UBE2S: variants seen among roughly 807,000 people sequenced by gnomAD.
The protein encoded by UBE2S is ubiquitin conjugating enzyme E2 S.
Under a neutral mutation model 12.3 loss-of-function variants are expected in UBE2S, and 3 were observed. That is an observed-to-expected ratio of 0.24 (90% CI 0.11 to 0.63). UBE2S has a LOEUF of 0.63. Ranked by LOEUF, UBE2S falls within the 30% of genes least tolerant of loss-of-function variation. The pLI, the probability that UBE2S is intolerant of heterozygous loss-of-function variation, is 0.85. For synonymous variants in UBE2S, 133 were observed against 142.0 expected (o/e 0.94, Z 0.45); for missense variants, 211 against 313.9 (o/e 0.67, Z 2.48).
Position 55,407,767 on chromosome 19 carries a change from C to T in UBE2S, c.-178G>A, listed in dbSNP as rs963528044. The T allele has an allele frequency of 5.4e-5, 21 of 389,846 alleles. No individual in the cohort carries two copies. The highest frequency in any genetic ancestry group is 4.3e-4 in the Admixed American group (9 of 20,896). 24.1% of individuals were successfully genotyped at this position (389,846 alleles called of 1,614,324 possible). A position where few individuals can be genotyped will look rare whatever the true frequency, so the allele number is the denominator to read the frequency against. On this transcript the variant is annotated 5_prime_UTR_variant, in exon 1 of 4. Coordinates refer to ENST00000264552, the MANE Select transcript of UBE2S (RefSeq NM_014501.3). ...CACAGCGTAGACCAACCCGCCGCCC[C>T]GGTGCCCGGCAGCACTGAGCCGGCC...
At chr19:55,406,736 A>T in intron 2 of UBE2S, 79 bp downstream of exon 2, 1 of 1,519,258 alleles carries the variant, frequency 6.6e-7, no homozygotes, top group South Asian at 1.3e-5. Context: ...TGTAATGGGT[A>T]CTTCCCGCTA....
chr19:55,403,351 T>C (rs1600320164), intron 3 of UBE2S: 1 of 503,474 alleles, frequency 2.0e-6, no homozygotes, highest in Non-Finnish European at 3.5e-6. Context: ...TAGCTGGGTA[T>C]GGTGGTGCAT....
In UBE2S at chr19:55,407,724, C is replaced by T. The variant is rs909036840; in HGVS notation, c.-135G>A. ...GGCGGCCCCGCTCCGCTCCCCGCTGCCTCCGACGTCCGCCGCGCACAGCGT... is the reference window on the plus strand; with the variant it reads ...GGCGGCCCCGCTCCGCTCCCCGCTGTCTCCGACGTCCGCCGCGCACAGCGT... On this transcript the variant is annotated 5_prime_UTR_variant, in exon 1 of 4. Transcript: ENST00000264552. 8 of 605,424 alleles carry T rather than the reference C, an allele frequency of 1.3e-5. No individual in the cohort carries two copies. Among genetic ancestry groups the T allele is most frequent in the Non-Finnish European group, 1.7e-5 (7 of 420,218 alleles). The allele number at this position is 605,424 out of a possible 1,614,324, so 37.5% of individuals were successfully genotyped here. A position where few individuals can be genotyped will look rare whatever the true frequency, so the allele number is the denominator to read the frequency against.
intron 3 of UBE2S, 94 bp from the exon 4 acceptor site, chr19:55,401,856 T>TC: frequency 7.4e-7 from 1 of 1,345,324 alleles, no homozygotes; most frequent in South Asian, 1.2e-5. Flanking sequence ...GGCTGTTCCT[T>TC]CTGCTCCCAA....
intron 3 of UBE2S, among the ~76,000 whole-genome samples, chr19:55,402,131 T>G (rs1287034955): frequency 1.3e-5 from 2 of 152,204 alleles, no homozygotes; most frequent in African/African-American, 2.4e-5. Context: ...TTTGCCTCCA[T>G]GCAGTTCAGC....
chr19:55,406,685 C>G, intron 2 of UBE2S, 130 bp downstream of exon 2: 2 of 1,184,206 alleles, frequency 1.7e-6, no homozygotes, highest in Non-Finnish European at 2.4e-6. Flanking sequence ...GCGTCCTGCC[C>G]TGTCCACCAA....
Position 55,404,083 on chromosome 19 carries a change from TC to T in UBE2S, c.342+204del, listed in dbSNP as rs536830518. ...CACCACTCGTTGCATAGTAAGGTGC[TC>T]CTGGGCACTTCTCAACAGTACTTGG... On this transcript the variant is annotated intron_variant, in intron 3 of 3. Coordinates refer to ENST00000264552, the MANE Select transcript of UBE2S (RefSeq NM_014501.3). This position sits in a 1 kb window ranked among gnomAD's most constrained non-coding sequence, Gnocchi z 4.4. The T allele has an allele frequency of 9.0e-4, 542 of 604,998 alleles. 2 individuals are homozygous for T. In the African/African-American group the frequency reaches 9.3e-3, roughly 10 times the overall value. The allele number at this position is 604,998 out of a possible 1,614,324, so 37.5% of individuals were successfully genotyped here.
rs749653893 is a variant in UBE2S at position 55,401,453 on chromosome 19, C to A, written c.652G>T (p.Ala218Ser). ...AAKKKTDKKR[A>S]LRRL ...AGAGCCCACTACAGCCGCCGCAGCG[C>A]CCGCTTCTTGTCCGTCTTTTTCTTG... Residue 218 changes from alanine to serine, a missense_variant, in exon 4 of 4, where the codon GCG becomes TCG. Coordinates refer to ENST00000264552, the MANE Select transcript of UBE2S (RefSeq NM_014501.3). The A allele has an allele frequency of 7.4e-5, 118 of 1,605,286 alleles. No individual in the cohort carries two copies. Among genetic ancestry groups the A allele is most frequent in the Non-Finnish European group, 9.2e-5 (108 of 1,179,250 alleles).
chr19:55,404,165 T>A lies in UBE2S; in HGVS notation c.342+123A>T. 7.8e-7 allele frequency: 1 copy of A among 1,280,528 alleles called. No homozygotes were observed. Among genetic ancestry groups the A allele is most frequent in the South Asian group, 1.4e-5 (1 of 72,838 alleles). 79.3% of individuals were successfully genotyped at this position (1,280,528 alleles called of 1,614,324 possible). A position where few individuals can be genotyped will look rare whatever the true frequency, so the allele number is the denominator to read the frequency against. On this transcript the variant is annotated intron_variant, in intron 3 of 3. Transcript: ENST00000264552. The surrounding 1 kb of genome is among the most constrained non-coding windows in gnomAD (Gnocchi z 4.4). The stretch of plus-strand genomic sequence containing the variant: ...CAGGAAAGCTAGCAACATGGATTTT[T>A]ATGTGGAAACCTTCAACCACTTCAG...
intron 1 of UBE2S, among the ~76,000 whole-genome samples, chr19:55,407,195 A>AACCC (rs2090101920): frequency 4.3e-5 from 5 of 115,408 alleles, no homozygotes; most frequent in Non-Finnish European, 5.3e-5. Flanking sequence ...CCACCCCAGA[A>AACCC]CCCCCCCCCC....
chr19:55,402,884 C>T lies in UBE2S; in HGVS notation c.343-1122G>A, dbSNP rs142976406. ...TGGCAGGAAACCCCAATTCCCCACCCTCTCTGCCATGTGCCCCAGGGACTC... is the reference window on the plus strand; with the variant it reads ...TGGCAGGAAACCCCAATTCCCCACCTTCTCTGCCATGTGCCCCAGGGACTC... On this transcript the variant is annotated intron_variant, in intron 3 of 3. Transcript: ENST00000264552. 2.9e-3 allele frequency: 4,075 copies of T among 1,413,746 alleles called. 15 individuals are homozygous for T. Among genetic ancestry groups the T allele is most frequent in the Non-Finnish European group, 3.1e-3 (3,301 of 1,055,018 alleles). The allele number at this position is 1,413,746 out of a possible 1,614,324, so 87.6% of individuals were successfully genotyped here.
rs905158687 is a variant in UBE2S, at chr19:55,407,760, G to A, written c.-171C>T. 4.6e-5 allele frequency: 19 copies of A among 412,600 alleles called. No homozygotes were observed. Among genetic ancestry groups the A allele is most frequent in the East Asian group, 1.3e-4 (3 of 23,408 alleles). 25.6% of individuals were successfully genotyped at this position (412,600 alleles called of 1,614,324 possible). The stretch of plus-strand genomic sequence containing the variant: ...CGCCGCGCACAGCGTAGACCAACCC[G>A]CCGCCCCGGTGCCCGGCAGCACTGA... On this transcript the variant is annotated 5_prime_UTR_variant, in exon 1 of 4. Coordinates refer to ENST00000264552, the MANE Select transcript of UBE2S (RefSeq NM_014501.3).
rs544579193 is a variant in UBE2S at position 55,401,832 on chromosome 19, G to A, written c.343-70C>T. Reference sequence around the variant, plus strand: ...GGGACCCCCAGGCCTCCACAAGAGGGTGGCCTCCGCACTGGCTGTTCCTTC... The same window carrying A: ...GGGACCCCCAGGCCTCCACAAGAGGATGGCCTCCGCACTGGCTGTTCCTTC... On this transcript the variant is annotated intron_variant, in intron 3 of 3. Coordinates refer to ENST00000264552, the MANE Select transcript of UBE2S (RefSeq NM_014501.3). The A allele has an allele frequency of 6.3e-5, 97 of 1,549,542 alleles. 1 individual carries two copies. The South Asian group carries it at 1.0e-3, about 17-fold the overall frequency.
chr19:55,404,063 C>T lies in UBE2S; in HGVS notation c.342+225G>A. On this transcript the variant is annotated intron_variant, in intron 3 of 3. Coordinates refer to ENST00000264552, the MANE Select transcript of UBE2S (RefSeq NM_014501.3). This position sits in a 1 kb window ranked among gnomAD's most constrained non-coding sequence, Gnocchi z 4.4. ...ACCATCCTACAATACAAACTCACCA[C>T]TCGTTGCATAGTAAGGTGCTCCTGG... is the stretch of plus-strand genomic sequence containing the variant. 1 of 562,304 alleles carries T rather than the reference C, an allele frequency of 1.8e-6. No homozygotes were observed. Among genetic ancestry groups the T allele is most frequent in the Non-Finnish European group, 3.1e-6 (1 of 317,640 alleles). The allele number at this position is 562,304 out of a possible 1,614,324, so 34.8% of individuals were successfully genotyped here.
rs114820458 is a variant in UBE2S, at chr19:55,404,690, C to T, written c.152-212G>A. Among the ~76,000 whole-genome samples the T allele has an allele frequency of 9.7e-3, 1,479 of 152,300 alleles. 26 individuals carry two copies. Among genetic ancestry groups the T allele is most frequent in the African/African-American group, 0.034 (1,397 of 41,564 alleles). ...GCAGTGGCACAATCTCAGTTCACTG[C>T]CGCCTGCAATTCCTGGGCTCAGGTG... On this transcript the variant is annotated intron_variant, in intron 2 of 3. Transcript: ENST00000264552. This position sits in a 1 kb window ranked among gnomAD's most constrained non-coding sequence, Gnocchi z 4.4.
rs1471768723 is a variant in UBE2S, at chr19:55,401,708, C to T, written c.397G>A (p.Ala133Thr). The change falls in exon 4 of 4, where the codon GCG (alanine) becomes ACG (threonine). Residue 133 changes from alanine to threonine, a missense_variant. By Grantham distance (58) the Ala-to-Thr change is moderately conservative. Transcript: ENST00000264552. ...TAGTTCTCCAAGAGCAGGCGGCCCG[C>T]CTCCTCGTTGAGTGCAGACTCGGGG... ...PNPESALNEE[A>T]GRLLLENYEE... 3 of 1,613,440 alleles carry T rather than the reference C, an allele frequency of 1.9e-6. No individual in the cohort carries two copies. The highest frequency in any genetic ancestry group is 2.2e-5 in the East Asian group (1 of 44,862).
chr19:55,400,466 C>CAAA lies in UBE2S; in HGVS notation c.*969_*970insTTT, dbSNP rs1468127694. ...AAACTAAGACTAAGCTGGGATCTTA[C>CAAA]CCCTGTGATTTAGTCATTATCACTT... On this transcript the variant is annotated 3_prime_UTR_variant, in exon 4 of 4. Transcript: ENST00000264552. The CAAA allele has an allele frequency of 1.2e-4, 19 of 152,274 alleles. No homozygotes were observed. Among genetic ancestry groups the CAAA allele is most frequent in the Admixed American group, 1.2e-3 (18 of 15,302 alleles). 9.4% of individuals were successfully genotyped at this position (152,274 alleles called of 1,614,324 possible). A position where few individuals can be genotyped will look rare whatever the true frequency, so the allele number is the denominator to read the frequency against.
chr19:55,401,794 C>T (rs764907956), intron 3 of UBE2S, 32 bp from the exon 4 acceptor site: 19 of 1,611,366 alleles, frequency 1.2e-5, no homozygotes, highest in African/African-American at 6.7e-5. Context: ...CACAGTGGGT[C>T]GGGCAACCTA....
rs1428261893 is a variant in UBE2S, at chr19:55,400,319, TTTTTAA to T, written c.*1111_*1116del. 6.6e-6 allele frequency: 1 copy of T among 152,232 alleles called. No homozygotes were observed. Among genetic ancestry groups the T allele is most frequent in the Non-Finnish European group, 1.5e-5 (1 of 68,042 alleles). 9.4% of individuals were successfully genotyped at this position (152,232 alleles called of 1,614,324 possible). A position where few individuals can be genotyped will look rare whatever the true frequency, so the allele number is the denominator to read the frequency against. On this transcript the variant is annotated 3_prime_UTR_variant, in exon 4 of 4. Coordinates refer to ENST00000264552, the MANE Select transcript of UBE2S (RefSeq NM_014501.3). Reference sequence around the variant, plus strand: ...GGCGTGAGCCATTGCGCCTGGCCTATTTTTAATTTTTTTAAAATTAATGAGACATTG... The same window carrying T: ...GGCGTGAGCCATTGCGCCTGGCCTATTTTTTTTAAAATTAATGAGACATTG...
Sources: gnomAD v4.1 joint callset for allele counts (sites outside exome capture counted in the v4.1 genomes callset) on GRCh38, gnomAD v4.1.1 for gene constraint, Gnocchi (gnomAD v3.1) non-coding constraint, MANE v1.5 for transcripts, NCBI Gene and HGNC (gene_info 2026-07-23, HGNC 2026-07-21) for gene names.